AK9: variants seen among roughly 807,000 people sequenced by gnomAD.
The protein encoded by AK9 is adenylate kinase domain containing 1.
Under a neutral mutation model 239.6 loss-of-function variants are expected in AK9, and 191 were observed. The ratio of observed to expected loss-of-function variants is 0.80; its 90% confidence interval spans 0.71 to 0.90. The LOEUF is 0.90. AK9 is among the 40% of genes least tolerant of loss of function. The pLI, the probability that AK9 is intolerant of heterozygous loss-of-function variation, is 0.00. For synonymous variants in AK9, 689 were observed against 721.0 expected (o/e 0.96, Z 0.71); for missense variants, 1,995 against 2,214.7 (o/e 0.90, Z 1.99).
chr6:109,579,032 T>C (rs79466979), intron 20 of AK9, among the ~76,000 whole-genome samples: 1,744 of 152,310 alleles, frequency 0.011, 24 homozygotes, highest in South Asian at 0.043. Context: ...TCTGTAATTA[T>C]CTGTAAAATC....
intron 8 of AK9, among the ~76,000 whole-genome samples, chr6:109,647,778 G>A (rs1197742801): frequency 7.3e-6 from 1 of 137,436 alleles, no homozygotes; most frequent in African/African-American, 2.5e-5. Flanking sequence ...CAAATCAACA[G>A]AATATACATT....
chr6:109,628,179 A>G (rs1276607100), intron 12 of AK9, among the ~76,000 whole-genome samples: 1 of 152,138 alleles, frequency 6.6e-6, no homozygotes, highest in Non-Finnish European at 1.5e-5. Context: ...CTCCTTTGCA[A>G]CTGGGCCAGA....
At chr6:109,507,195 C>G (rs1300928907) in intron 33 of AK9, among the ~76,000 whole-genome samples, 2 of 152,070 alleles carry the variant, frequency 1.3e-5, no homozygotes, top group Non-Finnish European at 2.9e-5. Context: ...GATTTAAAAC[C>G]TGGTTTGAAC....
intron 8 of AK9, among the ~76,000 whole-genome samples, chr6:109,649,322 T>G (rs1208040312): frequency 6.6e-6 from 1 of 151,902 alleles, no homozygotes; most frequent in Non-Finnish European, 1.5e-5. Context: ...GCAGATGACA[T>G]GATTGCATAT....
Position 109,617,050 on chromosome 6 carries a change from T to C in AK9, c.1399+2042A>G, listed in dbSNP as rs563816335. ...AATATTATAAAAAGATCCCATTCAC[T>C]AGTAATAAAATGACAAAATATCTGG... On this transcript the variant is annotated intron_variant, in intron 13 of 40. Transcript: ENST00000424296. 3.9e-5 allele frequency among the ~76,000 whole-genome samples: 6 copies of C among 152,208 alleles called. No homozygotes were observed. The South Asian group carries it at 8.3e-4, about 21-fold the overall frequency.
intron 8 of AK9, among the ~76,000 whole-genome samples, chr6:109,653,276 A>T (rs1424133627): frequency 1.3e-5 from 2 of 152,132 alleles, no homozygotes; most frequent in Non-Finnish European, 2.9e-5. Flanking sequence ...TTGTTTTTCC[A>T]AAGGTGGTGG....
intron 9 of AK9, among the ~76,000 whole-genome samples, chr6:109,642,663 C>T (rs560739590): frequency 6.6e-6 from 1 of 152,022 alleles, no homozygotes; most frequent in South Asian, 2.1e-4. Context: ...AAGGAGAAGC[C>T]TGCTGTATAT....
intron 7 of AK9, among the ~76,000 whole-genome samples, chr6:109,658,710 T>C (rs1319938047): frequency 2.0e-5 from 3 of 152,166 alleles, no homozygotes; most frequent in Non-Finnish European, 4.4e-5. Context: ...CTTGTTTATG[T>C]TGATTATAAG....
At chr6:109,513,564 T>G (rs915472518) in intron 32 of AK9, among the ~76,000 whole-genome samples, 3 of 152,226 alleles carry the variant, frequency 2.0e-5, no homozygotes, top group Non-Finnish European at 4.4e-5. Context: ...TTAGGTTTTC[T>G]ATCTCGTTTT....
intron 29 of AK9, among the ~76,000 whole-genome samples, chr6:109,518,709 A>T (rs1291247821): frequency 1.3e-5 from 2 of 151,978 alleles, no homozygotes; most frequent in African/African-American, 4.8e-5. Context: ...TTTAAACATA[A>T]ATGGGATTAT....
chr6:109,604,580 G>A (rs1371162854), intron 17 of AK9, among the ~76,000 whole-genome samples: 1 of 151,982 alleles, frequency 6.6e-6, no homozygotes, highest in Non-Finnish European at 1.5e-5. Context: ...TGTTGCTTCT[G>A]GCATGTTTAT....
intron 27 of AK9, among the ~76,000 whole-genome samples, chr6:109,534,994 C>T (rs1323380927): frequency 6.6e-6 from 1 of 152,148 alleles, no homozygotes; most frequent in Non-Finnish European, 1.5e-5. Flanking sequence ...TTTTCTTAAT[C>T]CAGTCTATCA....
Position 109,493,542 on chromosome 6 carries a change from T to A in AK9, c.5563A>T (p.Arg1855Ter). Residue 1855 changes from arginine to a stop codon, truncating the protein, a stop_gained, in exon 41 of 41, where the codon AGA becomes TGA. Transcript: ENST00000424296. LOFTEE classifies it high-confidence loss of function. ...AFNPKGSEYTRKKYKKKMEQF... is the reference protein window; with the variant it reads ...AFNPKGSEYT ...TCCATCTTCTTCTTATACTTTTTTCTTGTGTATTCGGAACCTTTGGGATTA... is the reference window on the plus strand; with the variant it reads ...TCCATCTTCTTCTTATACTTTTTTCATGTGTATTCGGAACCTTTGGGATTA... 1 of 1,614,002 alleles carries A rather than the reference T, an allele frequency of 6.2e-7. No individual in the cohort carries two copies. Among genetic ancestry groups the A allele is most frequent in the South Asian group, 1.1e-5 (1 of 91,022 alleles).
chr6:109,518,597 C>G (rs1444457382), intron 29 of AK9, among the ~76,000 whole-genome samples: 2 of 151,846 alleles, frequency 1.3e-5, no homozygotes, highest in Admixed American at 6.6e-5. Flanking sequence ...CATCACACTC[C>G]TATCTCTATT....
intron 10 of AK9, among the ~76,000 whole-genome samples, chr6:109,635,566 C>G (rs932004853): frequency 2.0e-5 from 3 of 152,140 alleles, no homozygotes; most frequent in Admixed American, 6.6e-5. Context: ...GTGAGGGACC[C>G]CAGACACAGC....
Position 109,601,076 on chromosome 6 carries a change from G to A in AK9, c.1842+9289C>T, listed in dbSNP as rs556801433. 2.3e-4 allele frequency among the ~76,000 whole-genome samples: 35 copies of A among 152,052 alleles called. 1 individual carries two copies. The highest frequency in any genetic ancestry group is 1.0e-3 in the Admixed American group (16 of 15,262). ...AAGGGTTTTTTGTGTCTCTATCTCCGTCAGTTCTGCTCTGATCTTTGTTAT... is the reference window on the plus strand; with the variant it reads ...AAGGGTTTTTTGTGTCTCTATCTCCATCAGTTCTGCTCTGATCTTTGTTAT... On this transcript the variant is annotated intron_variant, in intron 17 of 40. Transcript: ENST00000424296.
chr6:109,668,274 T>C (rs534258431), intron 5 of AK9, among the ~76,000 whole-genome samples: 3 of 152,158 alleles, frequency 2.0e-5, no homozygotes, highest in Non-Finnish European at 2.9e-5. Flanking sequence ...TTTGTTTGAG[T>C]TCTTTGTAGA....
chr6:109,525,163 T>C (rs1780328327), intron 29 of AK9, among the ~76,000 whole-genome samples: 1 of 152,184 alleles, frequency 6.6e-6, no homozygotes. Flanking sequence ...TTGTCGAAGA[T>C]CAGATGATTG....
intron 9 of AK9, 123 bp downstream of exon 9, chr6:109,644,491 A>G: frequency 1.2e-6 from 1 of 802,850 alleles, no homozygotes; most frequent in African/African-American, 1.8e-5. Context: ...GTTAAGACAG[A>G]TTGTTCAAAG....
Sources: allele counts gnomAD v4.1 joint callset (sites outside exome capture counted in the v4.1 genomes callset), GRCh38; gene constraint gnomAD v4.1.1; transcripts MANE v1.5; gene names NCBI Gene and HGNC (gene_info 2026-07-23, HGNC 2026-07-21).